The following AKAP13 variants were observed in gnomAD, a reference collection of about 807,000 sequenced individuals.
AKAP13 encodes A-kinase anchoring protein 13.
In AKAP13, 80 loss-of-function variants were observed where a neutral mutation model predicts 264.5. The ratio of observed to expected loss-of-function variants is 0.30; its 90% CI spans 0.25 to 0.36. The LOEUF (loss-of-function observed/expected upper bound fraction) is 0.36, where lower values mean the gene tolerates loss of function less well. Ranked by LOEUF, AKAP13 falls within the 10% of genes least tolerant of loss-of-function variation. The pLI, the probability that AKAP13 is intolerant of heterozygous loss-of-function variation, is 1.00. For synonymous variants in AKAP13, 1,380 were observed against 1,250.2 expected, an observed-to-expected ratio of 1.10 and a Z score of -2.19; for missense variants, 3,712 against 3,435.2, an observed-to-expected ratio of 1.08 and a Z score of -2.01.
chr15:85,512,813 TTATG>T (rs146236698), intron 2 of AKAP13, among the ~76,000 whole-genome samples: 38,442 of 145,470 alleles, frequency 0.26, 5,279 homozygotes, highest in African/African-American at 0.36. Flanking sequence ...TTGACTATTT[TTATG>T]TATGTATGTA....
At chr15:85,427,275 A>G (rs188750426) in intron 1 of AKAP13, among the ~76,000 whole-genome samples, 1 of 152,144 alleles carries the variant, frequency 6.6e-6, no homozygotes, top group East Asian at 1.9e-4. Flanking sequence ...TTTCTGGTTT[A>G]TAAGAATTGA....
chr15:85,394,880 A>G (rs2071038371), intron 1 of AKAP13, among the ~76,000 whole-genome samples: 2 of 152,168 alleles, frequency 1.3e-5, no homozygotes, highest in Non-Finnish European at 2.9e-5. Flanking sequence ...GACAGAGGTT[A>G]TTTTCACATT....
At chr15:85,623,595 G>A (rs2081286826) in intron 8 of AKAP13, among the ~76,000 whole-genome samples, 1 of 152,124 alleles carries the variant, frequency 6.6e-6, no homozygotes, top group Non-Finnish European at 1.5e-5. Context: ...CCTGAGGCTG[G>A]GTACGCTAGT....
At chr15:85,500,246 GA>G (rs2076004623) in intron 2 of AKAP13, among the ~76,000 whole-genome samples, 1 of 152,154 alleles carries the variant, frequency 6.6e-6, no homozygotes, top group African/African-American at 2.4e-5. Context: ...GATACTAGGT[GA>G]AAAACCGGAT....
intron 19 of AKAP13, among the ~76,000 whole-genome samples, chr15:85,711,142 A>G (rs1028021992): frequency 2.0e-5 from 3 of 151,996 alleles, no homozygotes; most frequent in African/African-American, 7.2e-5. Flanking sequence ...CAGCCTCCCC[A>G]ATAGCTGGGA....
chr15:85,727,004 C>A lies in AKAP13; in HGVS notation c.6823-62C>A. ...CATCTGGTCTTACCTTAGATTGAAG[C>A]TGTCCTTCAGAGTTAGAATATTGTA... On this transcript the variant is annotated intron_variant, in intron 27 of 36. Transcript: ENST00000394518. This position sits in a 1 kb window ranked among gnomAD's most constrained non-coding sequence, Gnocchi z 5.3. 1 of 1,573,530 alleles carries A rather than the reference C, an allele frequency of 6.4e-7. No homozygotes were observed. The highest frequency in any genetic ancestry group is 1.7e-5 in the Admixed American group (1 of 59,004).
At chr15:85,668,016 A>G (rs568250259) in intron 13 of AKAP13, among the ~76,000 whole-genome samples, 3 of 152,120 alleles carry the variant, frequency 2.0e-5, no homozygotes, top group African/African-American at 4.8e-5. Context: ...TGGAATCTCT[A>G]CTTACCCATA....
chr15:85,385,242 A>G (rs1324744708), intron 1 of AKAP13, among the ~76,000 whole-genome samples: 1 of 152,220 alleles, frequency 6.6e-6, no homozygotes, highest in East Asian at 1.9e-4. Context: ...CTATAATATT[A>G]TTCAATACCT....
At chr15:85,676,970 T>C in intron 14 of AKAP13, 1 of 985,476 alleles carries the variant, frequency 1.0e-6, no homozygotes, top group Non-Finnish European at 1.2e-6. Context: ...TGAACCTCCT[T>C]CTCAGCTCAG....
chr15:85,557,447 C>T (rs866504182), intron 5 of AKAP13, among the ~76,000 whole-genome samples: 6 of 152,076 alleles, frequency 3.9e-5, no homozygotes, highest in African/African-American at 1.4e-4. Context: ...TATAGAGCTT[C>T]TTTTGTTGTC....
chr15:85,504,402 C>T (rs1374187395), intron 2 of AKAP13, among the ~76,000 whole-genome samples: 1 of 146,956 alleles, frequency 6.8e-6, no homozygotes, highest in Non-Finnish European at 1.5e-5. Context: ...CGCAGTGGCT[C>T]GTGCTGGTAA....
At chr15:85,565,112 G>A (rs1314681459) in intron 5 of AKAP13, among the ~76,000 whole-genome samples, 1 of 152,180 alleles carries the variant, frequency 6.6e-6, no homozygotes, top group Non-Finnish European at 1.5e-5. Context: ...CGGGTTGAAT[G>A]TGAAAATCTA....
intron 8 of AKAP13, among the ~76,000 whole-genome samples, chr15:85,616,130 A>G (rs1300229527): frequency 2.0e-5 from 3 of 152,050 alleles, no homozygotes; most frequent in Non-Finnish European, 4.4e-5. Context: ...CCCTACCCCT[A>G]TCCCCACACC....
intron 1 of AKAP13, among the ~76,000 whole-genome samples, chr15:85,480,147 T>C (rs946964257): frequency 6.6e-6 from 1 of 152,228 alleles, no homozygotes; most frequent in Non-Finnish European, 1.5e-5. Context: ...TCCAGAGATA[T>C]GTACACTTAA....
intron 1 of AKAP13, among the ~76,000 whole-genome samples, chr15:85,483,536 T>G (rs3889489): frequency 0.49 from 69,977 of 141,478 alleles, 18,903 homozygotes; most frequent in Middle Eastern, 0.63. Flanking sequence ...TGAGGCAGGA[T>G]AATGGCGTGA....
intron 1 of AKAP13, among the ~76,000 whole-genome samples, chr15:85,471,497 A>AAAAC (rs567342678): frequency 0.013 from 1,956 of 152,288 alleles, 49 homozygotes; most frequent in African/African-American, 0.044. Flanking sequence ...TCCGTCTCAA[A>AAAAC]AAACAAACAA....
chr15:85,391,516 A>C (rs2150805459), intron 1 of AKAP13, among the ~76,000 whole-genome samples: 2 of 143,258 alleles, frequency 1.4e-5, no homozygotes, highest in East Asian at 2.0e-4. Context: ...ACAGGGTCTC[A>C]CTCCTTTGAC....
At chr15:85,558,020 T>C (rs1269635328) in intron 5 of AKAP13, among the ~76,000 whole-genome samples, 1 of 152,228 alleles carries the variant, frequency 6.6e-6, no homozygotes, top group African/African-American at 2.4e-5. Context: ...ATGCCTCTTA[T>C]CTCTTCTGCC....
At chr15:85,540,001 G>C (rs1372533292) in intron 4 of AKAP13, among the ~76,000 whole-genome samples, 1 of 152,190 alleles carries the variant, frequency 6.6e-6, no homozygotes, top group Non-Finnish European at 1.5e-5. Context: ...AGACAGCAAG[G>C]AGAAAAGTAG....
Sources: allele counts gnomAD v4.1 joint callset (sites outside exome capture counted in the v4.1 genomes callset), GRCh38; gene constraint gnomAD v4.1.1; non-coding constraint Gnocchi (gnomAD v3.1); transcripts MANE v1.5; gene names NCBI Gene and HGNC (gene_info 2026-07-23, HGNC 2026-07-21).